The following SLC25A48 variants were observed in gnomAD, a reference collection of about 807,000 sequenced individuals.
SLC25A48 encodes solute carrier family 25 member 48, also known as CTC-321K16.1.
SLC25A48 carries 29 observed loss-of-function variants against 32.2 expected under a neutral mutation model. The ratio of observed to expected loss-of-function variants is 0.90; its 90% CI spans 0.67 to 1.23. The LOEUF is 1.23. SLC25A48 is among the 50% of genes most tolerant of loss of function. The probability of loss-of-function intolerance (pLI) is 0.00; values close to 1 mark genes in which losing one functional copy is unlikely to be tolerated. For synonymous variants in SLC25A48, 164 were observed against 172.3 expected (o/e 0.95, Z 0.38); for missense variants, 399 against 422.7 (o/e 0.94, Z 0.49).
chr5:135,736,670 C>T (rs4529187), intron 3 of SLC25A48, among the ~76,000 whole-genome samples: 43,259 of 151,944 alleles, frequency 0.28, 6,426 homozygotes, highest in East Asian at 0.45. Context: ...CAGGCATCCC[C>T]GTGTGATCAG....
At position 135,780,920 on chromosome 5, in the gene SLC25A48, C is replaced by T. The variant is rs1400068603; in HGVS notation, c.-520-31603C>T. Among the ~76,000 whole-genome samples, 3 of 116,048 alleles carry T rather than the reference C, an allele frequency of 2.6e-5. 1 individual carries two copies. Among genetic ancestry groups the T allele is most frequent in the Non-Finnish European group, 6.4e-5 (3 of 47,228 alleles). 76.1% of individuals were successfully genotyped at this position (116,048 alleles called of 152,430 possible). ...ATATTCCAGGGAGTGTACATCCCCC[C>T]GTAATATTGTTTTTAATATTCAGGG... On this transcript the variant is annotated intron_variant, in intron 3 of 10. Transcript: ENST00000646290.
intron 3 of SLC25A48, among the ~76,000 whole-genome samples, chr5:135,679,334 T>C (rs1193490883): frequency 6.6e-6 from 1 of 152,110 alleles, no homozygotes; most frequent in African/African-American, 2.4e-5. Context: ...CTGGACAGCA[T>C]GTCTGGGCAC....
At chr5:135,817,961 TAAAC>T (rs1041370148) in intron 4 of SLC25A48, among the ~76,000 whole-genome samples, 3 of 151,444 alleles carry the variant, frequency 2.0e-5, no homozygotes, top group African/African-American at 7.3e-5. Flanking sequence ...CTCTAAAAAG[TAAAC>T]AAAAACATTG....
At chr5:135,588,718 C>G (rs188642889) in intron 1 of SLC25A48, among the ~76,000 whole-genome samples, 1 of 151,976 alleles carries the variant, frequency 6.6e-6, no homozygotes, top group Non-Finnish European at 1.5e-5. Flanking sequence ...GACAGGGCAG[C>G]TGAGGTCCAG....
chr5:135,874,672 C>A (rs1761913954), intron 6 of SLC25A48: 1 of 702,128 alleles, frequency 1.4e-6, no homozygotes, highest in Non-Finnish European at 2.6e-6. Flanking sequence ...GAGGCAGCCT[C>A]CAACACGTTT....
intron 3 of SLC25A48, among the ~76,000 whole-genome samples, chr5:135,685,038 G>C (rs1561789814): frequency 6.6e-6 from 1 of 152,146 alleles, no homozygotes; most frequent in Non-Finnish European, 1.5e-5. Context: ...GTATGAGCTT[G>C]TCTGTTTTCC....
At chr5:135,683,134 C>T (rs115986626) in intron 3 of SLC25A48, among the ~76,000 whole-genome samples, 1,901 of 152,256 alleles carry the variant, frequency 0.012, 48 homozygotes, top group African/African-American at 0.044. Flanking sequence ...CCTCCATTGA[C>T]CTGACTGCAC....
chr5:135,741,672 T>A (rs77238210), intron 3 of SLC25A48, among the ~76,000 whole-genome samples: 1,950 of 152,164 alleles, frequency 0.013, 43 homozygotes, highest in African/African-American at 0.043. Context: ...GCCGGGGAGA[T>A]AGAGGTTGCA....
upstream of SLC25A48, among the ~76,000 whole-genome samples, chr5:135,830,821 C>T (rs148539823): frequency 6.6e-6 from 1 of 152,288 alleles, no homozygotes; most frequent in African/African-American, 2.4e-5. Context: ...TAATTGCTGT[C>T]TGCCTGCTCT....
intron 3 of SLC25A48, among the ~76,000 whole-genome samples, chr5:135,718,670 T>G (rs1049707535): frequency 6.6e-6 from 1 of 152,158 alleles, no homozygotes; most frequent in Non-Finnish European, 1.5e-5. Flanking sequence ...ACCCAGCAAT[T>G]AAAAGAACAA....
At chr5:135,861,795 AT>A (rs1215928478) in intron 4 of SLC25A48, among the ~76,000 whole-genome samples, 1 of 152,224 alleles carries the variant, frequency 6.6e-6, no homozygotes, top group Non-Finnish European at 1.5e-5. Flanking sequence ...CTTGGTACAT[AT>A]TGTGAAATTG....
intron 3 of SLC25A48, among the ~76,000 whole-genome samples, chr5:135,806,189 A>T (rs1215846914): frequency 2.0e-5 from 3 of 151,718 alleles, no homozygotes; most frequent in African/African-American, 7.2e-5. Flanking sequence ...ACCCCGTGAT[A>T]TGATTCATAA....
chr5:135,808,579 A>G (rs1246605358), intron 3 of SLC25A48, among the ~76,000 whole-genome samples: 2 of 152,018 alleles, frequency 1.3e-5, no homozygotes, highest in Admixed American at 1.3e-4. Context: ...CCTGTATGTG[A>G]CATCCCATCT....
intron 1 of SLC25A48, among the ~76,000 whole-genome samples, chr5:135,588,197 T>G (rs1053399190): frequency 4.6e-5 from 7 of 152,176 alleles, no homozygotes; most frequent in African/African-American, 1.7e-4. Context: ...TTTTCCTGAG[T>G]TTTTGTCTTT....
At chr5:135,615,706 C>A (rs1217693562) in intron 1 of SLC25A48, among the ~76,000 whole-genome samples, 1 of 151,866 alleles carries the variant, frequency 6.6e-6, no homozygotes, top group Admixed American at 6.6e-5. Context: ...GTTTGCATAA[C>A]TGAAGTTTGC....
In SLC25A48 at chr5:135,842,559, T is replaced by G; in HGVS notation, c.90+100T>G. ...GTTTCTAATCTCTCAGAGAGTCTTC[T>G]GCCCAGGGCAGACTCTCTGTTGCCA... On this transcript the variant is annotated intron_variant, in intron 2 of 7. Transcript: ENST00000681962. 5 of 1,257,386 alleles carry G rather than the reference T, an allele frequency of 4.0e-6. No individual in the cohort carries two copies. In the South Asian group the frequency reaches 6.1e-5, roughly 15 times the overall value. The allele number at this position is 1,257,386 out of a possible 1,614,324, so 77.9% of individuals were successfully genotyped here. A position where few individuals can be genotyped will look rare whatever the true frequency, so the allele number is the denominator to read the frequency against.
intron 1 of SLC25A48, among the ~76,000 whole-genome samples, chr5:135,621,633 T>C (rs1480628458): frequency 6.6e-6 from 1 of 152,202 alleles, no homozygotes; most frequent in Non-Finnish European, 1.5e-5. Flanking sequence ...TTCAGCATTT[T>C]ACAGCAATTG....
chr5:135,610,337 G>A (rs1239400606), intron 1 of SLC25A48, among the ~76,000 whole-genome samples: 2 of 152,160 alleles, frequency 1.3e-5, no homozygotes, highest in African/African-American at 4.8e-5. Context: ...TCACATATGT[G>A]CTGACTTTTA....
At chr5:135,783,390 C>T (rs79479103) in intron 3 of SLC25A48, among the ~76,000 whole-genome samples, 5,522 of 107,088 alleles carry the variant, frequency 0.052, 1,000 homozygotes, top group African/African-American at 0.15. Flanking sequence ...CTTTCAGTAT[C>T]ACATGGGGTG....
Sources: allele counts gnomAD v4.1 joint callset (sites outside exome capture counted in the v4.1 genomes callset), GRCh38; gene constraint gnomAD v4.1.1; transcripts MANE v1.5; gene names NCBI Gene and HGNC (gene_info 2026-07-23, HGNC 2026-07-21).